FIG4: variants seen among roughly 807,000 people sequenced by gnomAD.
FIG4 encodes polyphosphoinositide phosphatase.
In FIG4, 112 loss-of-function variants were observed where a neutral mutation model predicts 118.6. The observed-to-expected ratio is 0.94, with a 90% CI of 0.81 to 1.11. The LOEUF (loss-of-function observed/expected upper bound fraction) is 1.11. FIG4 is among the 50% of genes least tolerant of loss of function. The pLI is 0.00. For synonymous variants in FIG4, 369 were observed against 381.2 expected (o/e 0.97, Z 0.37); for missense variants, 969 against 1,111.7 (o/e 0.87, Z 1.83).
Position 109,765,141 on chromosome 6 carries a change from G to A in FIG4, c.1563G>A (p.Gln521=). 6.2e-7 allele frequency: 1 copy of A among 1,614,052 alleles called. No individual in the cohort carries two copies. Among genetic ancestry groups the A allele is most frequent in the Non-Finnish European group, 8.5e-7 (1 of 1,179,954 alleles). The change falls in exon 14 of 23, where the codon CAG becomes CAA. Residue 521 remains glutamine, a synonymous_variant. Coordinates refer to ENST00000230124, the MANE Select transcript of FIG4 (RefSeq NM_014845.6). ...GACTGATTGACAAACCTAATCTACA[G>A]TTTGATACAGATGCAGTTAGGTAAG... ...SLGLIDKPNL[Q]FDTDAVRLFE...
Position 109,732,624 on chromosome 6 carries a change from T to TG in FIG4, c.447-13_447-12insG. ...TTGGACAAATGAAATGTACTTTGTTTTTTTTTTTTTAGGTATCTACGAATA... is the reference window on the plus strand; with the variant it reads ...TTGGACAAATGAAATGTACTTTGTTTGTTTTTTTTTTAGGTATCTACGAATA... On this transcript the variant is annotated splice_polypyrimidine_tract_variant and intron_variant, in intron 4 of 22. Transcript: ENST00000230124. 1 of 1,325,044 alleles carries TG rather than the reference T, an allele frequency of 7.5e-7. No homozygotes were observed. The highest frequency in any genetic ancestry group is 2.3e-5 in the East Asian group (1 of 43,410). 82.1% of individuals were successfully genotyped at this position (1,325,044 alleles called of 1,614,324 possible). A position where few individuals can be genotyped will look rare whatever the true frequency, so the allele number is the denominator to read the frequency against.
At chr6:109,799,041 A>G (rs1459027438) in intron 22 of FIG4, among the ~76,000 whole-genome samples, 1 of 152,220 alleles carries the variant, frequency 6.6e-6, no homozygotes, top group African/African-American at 2.4e-5. Context: ...TTAGGAGGAG[A>G]TGATGAAATG....
In FIG4 at chr6:109,699,582, A is replaced by G. The variant is rs530924111; in HGVS notation, c.66+8081A>G. ...CAGTGGCTCGATCTCGGCTCACTGC[A>G]GCCTCTGCCTCCTGGGTTCAAGTGA... On this transcript the variant is annotated intron_variant, in intron 1 of 22. Coordinates refer to ENST00000230124, the MANE Select transcript of FIG4 (RefSeq NM_014845.6). Among the ~76,000 whole-genome samples, 38 of 147,436 alleles carry G rather than the reference A, an allele frequency of 2.6e-4. No individual in the cohort carries two copies. The South Asian group carries it at 7.9e-3, about 31-fold the overall frequency.
chr6:109,797,556 A>G (rs978201930), intron 22 of FIG4, among the ~76,000 whole-genome samples: 1 of 152,136 alleles, frequency 6.6e-6, no homozygotes, highest in African/African-American at 2.4e-5. Flanking sequence ...TGTGACCAGA[A>G]GAGGCTCCCT....
chr6:109,797,171 A>G (rs1778311691), intron 22 of FIG4, among the ~76,000 whole-genome samples: 1 of 152,196 alleles, frequency 6.6e-6, no homozygotes, highest in Admixed American at 6.5e-5. Context: ...CTCAAGTTTA[A>G]TACAAGACCT....
At chr6:109,790,935 T>C (rs1198719027) in intron 19 of FIG4, among the ~76,000 whole-genome samples, 1 of 152,220 alleles carries the variant, frequency 6.6e-6, no homozygotes, top group Non-Finnish European at 1.5e-5. Flanking sequence ...ACACTATGAT[T>C]GATAAAAAAT....
intron 22 of FIG4, among the ~76,000 whole-genome samples, chr6:109,813,830 G>A (rs914565975): frequency 6.6e-6 from 1 of 152,174 alleles, no homozygotes. Flanking sequence ...GAACTGATGT[G>A]TCCAGCCAAC....
At chr6:109,702,709 T>G (rs1438653164) in intron 1 of FIG4, among the ~76,000 whole-genome samples, 1 of 152,108 alleles carries the variant, frequency 6.6e-6, no homozygotes, top group Non-Finnish European at 1.5e-5. Flanking sequence ...TCCCTACCAT[T>G]TGAACTAGGG....
chr6:109,741,129 G>C (rs1242110117), intron 7 of FIG4, among the ~76,000 whole-genome samples: 1 of 152,100 alleles, frequency 6.6e-6, no homozygotes, highest in African/African-American at 2.4e-5. Context: ...CATATCAGAA[G>C]GATTAGTTGT....
chr6:109,765,228 T>A, intron 14 of FIG4, 67 bp downstream of exon 14: 2 of 1,354,018 alleles, frequency 1.5e-6, no homozygotes, highest in Non-Finnish European at 2.1e-6. Flanking sequence ...ACTAATAAGA[T>A]TTTTTTATGA....
intron 15 of FIG4, among the ~76,000 whole-genome samples, chr6:109,774,926 A>G (rs1345671692): frequency 6.6e-6 from 1 of 152,156 alleles, no homozygotes; most frequent in Non-Finnish European, 1.5e-5. Context: ...ACACTGTATC[A>G]TAAACTTAAT....
chr6:109,786,237 T>C (rs893226051), intron 17 of FIG4, 65 bp from the exon 18 acceptor site: 2 of 1,408,332 alleles, frequency 1.4e-6, no homozygotes, highest in African/African-American at 2.9e-5. Flanking sequence ...ACACAGTTAA[T>C]ATTATGGAAA....
At chr6:109,780,570 A>T (rs1777771006) in intron 16 of FIG4, among the ~76,000 whole-genome samples, 1 of 152,212 alleles carries the variant, frequency 6.6e-6, no homozygotes, top group Non-Finnish European at 1.5e-5. Context: ...TAAAGATCAT[A>T]CGGGATGCCC....
intron 15 of FIG4, among the ~76,000 whole-genome samples, chr6:109,767,523 T>C (rs1337299805): frequency 6.6e-6 from 1 of 152,138 alleles, no homozygotes; most frequent in Non-Finnish European, 1.5e-5. Flanking sequence ...AGTCTTCAGC[T>C]CTTGTACCAG....
chr6:109,773,507 A>G (rs921454431), intron 15 of FIG4, among the ~76,000 whole-genome samples: 2 of 152,114 alleles, frequency 1.3e-5, no homozygotes, highest in Non-Finnish European at 2.9e-5. Context: ...TTCTCCCTGC[A>G]TTATTTCTTT....
chr6:109,744,171 T>TC (rs1360381348), intron 10 of FIG4, among the ~76,000 whole-genome samples: 1 of 151,840 alleles, frequency 6.6e-6, no homozygotes, highest in Non-Finnish European at 1.5e-5. Context: ...ATCCATAAGC[T>TC]CCCCTGGGCA....
chr6:109,771,740 T>C (rs1280320914), intron 15 of FIG4, among the ~76,000 whole-genome samples: 1 of 152,236 alleles, frequency 6.6e-6, no homozygotes, highest in African/African-American at 2.4e-5. Context: ...CCATAGTTTC[T>C]ACCCTATATT....
chr6:109,757,016 C>T (rs943331406), intron 10 of FIG4, among the ~76,000 whole-genome samples: 10 of 152,234 alleles, frequency 6.6e-5, no homozygotes, highest in Admixed American at 5.2e-4. Flanking sequence ...AGAAATCACC[C>T]GTCTTCTGCG....
chr6:109,713,982 TA>T (rs772780772), intron 1 of FIG4, among the ~76,000 whole-genome samples: 1 of 152,128 alleles, frequency 6.6e-6, no homozygotes, highest in Non-Finnish European at 1.5e-5. Flanking sequence ...CCCCTAGGGC[TA>T]AAGTCTCCTA....
Sources: gnomAD v4.1 joint callset for allele counts (sites outside exome capture counted in the v4.1 genomes callset) on GRCh38, gnomAD v4.1.1 for gene constraint, MANE v1.5 for transcripts, NCBI Gene and HGNC (gene_info 2026-07-23, HGNC 2026-07-21) for gene names.